PMEPA1: variants seen among roughly 807,000 people sequenced by gnomAD.
PMEPA1 encodes the protein protein TMEPAI.
A neutral mutation model predicts 23.0 loss-of-function variants in PMEPA1; 11 were observed. The ratio of observed to expected loss-of-function variants is 0.48; its 90% CI spans 0.30 to 0.79. The LOEUF (loss-of-function observed/expected upper bound fraction) is 0.79, where lower values mean the gene tolerates loss of function less well. PMEPA1 is among the 30% of genes least tolerant of loss of function. PMEPA1 has a pLI of 0.06. For missense variants in PMEPA1, 377 were observed against 390.9 expected (o/e 0.96, Z 0.30); for synonymous variants, 204 against 166.4 (o/e 1.23, Z -1.74).
chr20:57,656,285 G>A lies in PMEPA1; in HGVS notation c.265-3199C>T, dbSNP rs961046281. 7.9e-5 allele frequency among the ~76,000 whole-genome samples: 12 copies of A among 151,286 alleles called. No homozygotes were observed. Among genetic ancestry groups the A allele is most frequent in the South Asian group, 2.1e-4 (1 of 4,770 alleles). On this transcript the variant is annotated intron_variant, in intron 2 of 3. Coordinates refer to ENST00000341744, the MANE Select transcript of PMEPA1 (RefSeq NM_020182.5). The surrounding 1 kb of genome is among the most constrained non-coding windows in gnomAD (Gnocchi z 4.7). ...AGTGGACGCTAGGTCTTTGGCTCCC[G>A]CTGCTGGCAGATTGTCGCACATTGG...
In PMEPA1 at chr20:57,652,293, G is replaced by C. The variant is rs780329367; in HGVS notation, c.624C>G (p.Pro208=). Residue 208 remains proline (P), a synonymous_variant, in exon 4 of 4, where the codon CCC becomes CCG. Transcript: ENST00000341744. The surrounding 1 kb of genome is among the most constrained non-coding windows in gnomAD (Gnocchi z 6.1). The part of the protein sequence containing the change: ...DSARLGGPCP[P]SSNSGISATC... ...TGGCGCTGATGCCCGAGTTACTGCT[G>C]GGGGGGCAGGGGCCGCCCAGCCTGG... is the stretch of plus-strand genomic sequence containing the variant. 1.2e-5 allele frequency: 19 copies of C among 1,609,558 alleles called. No individual in the cohort carries two copies. Among genetic ancestry groups the C allele is most frequent in the Non-Finnish European group, 1.5e-5 (18 of 1,179,580 alleles).
intron 1 of PMEPA1, among the ~76,000 whole-genome samples, chr20:57,674,859 C>T (rs1005968273): frequency 1.3e-5 from 2 of 152,194 alleles, no homozygotes; most frequent in Non-Finnish European, 2.9e-5. Flanking sequence ...GTGATCTGTC[C>T]TCTCTGGAGC....
chr20:57,663,258 T>C (rs1458685149), intron 1 of PMEPA1, among the ~76,000 whole-genome samples: 1 of 151,846 alleles, frequency 6.6e-6, no homozygotes, highest in South Asian at 2.1e-4. Flanking sequence ...CTTAGGGAGA[T>C]GGAGATTTGC....
intron 1 of PMEPA1, among the ~76,000 whole-genome samples, chr20:57,708,082 C>T (rs1372269934): frequency 1.3e-5 from 2 of 152,078 alleles, no homozygotes; most frequent in Admixed American, 1.3e-4. Flanking sequence ...ACCACCAAAG[C>T]CCGGCCAGCC....
intron 1 of PMEPA1, among the ~76,000 whole-genome samples, chr20:57,667,871 C>T (rs571337319): frequency 5.3e-5 from 8 of 152,060 alleles, no homozygotes; most frequent in Non-Finnish European, 1.0e-4. Flanking sequence ...CCCAGCCCCC[C>T]GAATTTTAAG....
rs1280369158 is a variant in PMEPA1, at chr20:57,704,432, C to T, written c.109+5042G>A. Among the ~76,000 whole-genome samples, 2 of 152,198 alleles carry T rather than the reference C, an allele frequency of 1.3e-5. No individual in the cohort carries two copies. Among genetic ancestry groups the T allele is most frequent in the Non-Finnish European group, 2.9e-5 (2 of 68,014 alleles). On this transcript the variant is annotated intron_variant, in intron 1 of 3. Transcript: ENST00000341744. The surrounding 1 kb of genome is among the most constrained non-coding windows in gnomAD (Gnocchi z 4.6). ...AGCTCCCGCACGTGCCCCAACCATG[C>T]GTGCGTTACGCAACACTTTGTAAAA...
At position 57,690,016 on chromosome 20, in the gene PMEPA1, G is replaced by A. The variant is rs924293974; in HGVS notation, c.109+19458C>T. Among the ~76,000 whole-genome samples, 7 of 152,340 alleles carry A rather than the reference G, an allele frequency of 4.6e-5. No homozygotes were observed. In the South Asian group the frequency reaches 1.2e-3, roughly 27 times the overall value. On this transcript the variant is annotated intron_variant, in intron 1 of 3. Transcript: ENST00000341744. ...ATTTGCTGAGCTTCTCCCAACACCCGATGCACTCCTCACCTCAGCTCCACG... is the reference window on the plus strand; with the variant it reads ...ATTTGCTGAGCTTCTCCCAACACCCAATGCACTCCTCACCTCAGCTCCACG...
At chr20:57,668,385 C>T (rs1187652374) in intron 1 of PMEPA1, among the ~76,000 whole-genome samples, 4 of 152,198 alleles carry the variant, frequency 2.6e-5, no homozygotes, top group African/African-American at 9.7e-5. Context: ...GAGAAGAAAA[C>T]GGAGAGATAA....
At chr20:57,672,467 G>C (rs2071581599) in intron 1 of PMEPA1, among the ~76,000 whole-genome samples, 1 of 152,260 alleles carries the variant, frequency 6.6e-6, no homozygotes, top group South Asian at 2.1e-4. Flanking sequence ...AATGCGGCTG[G>C]TATTTAGCCG....
intron 1 of PMEPA1, among the ~76,000 whole-genome samples, chr20:57,664,750 A>G (rs1833048901): frequency 2.6e-5 from 4 of 152,168 alleles, no homozygotes; most frequent in South Asian, 2.1e-4. Flanking sequence ...AGGACCCTGG[A>G]GCCGGCTGTG....
intron 1 of PMEPA1, among the ~76,000 whole-genome samples, chr20:57,708,010 G>C (rs2072111706): frequency 6.6e-6 from 1 of 152,252 alleles, no homozygotes; most frequent in South Asian, 2.1e-4. Context: ...GGTGGGGTAG[G>C]GGGAGAGCTT....
In PMEPA1 at chr20:57,652,984, G is replaced by C. The variant is rs1051927025; in HGVS notation, c.318+49C>G. ...CACTGTTCCAGCCGCAGCGGGAGCA[G>C]CCCAGGGTGGGATGGGGGTGTTGGA... On this transcript the variant is annotated intron_variant, in intron 3 of 3. Transcript: ENST00000341744. The surrounding 1 kb of genome is among the most constrained non-coding windows in gnomAD (Gnocchi z 6.1). 1 of 1,495,370 alleles carries C rather than the reference G, an allele frequency of 6.7e-7. No individual in the cohort carries two copies. The highest frequency in any genetic ancestry group is 1.4e-5 in the African/African-American group (1 of 72,646). The allele number at this position is 1,495,370 out of a possible 1,614,324, so 92.6% of individuals were successfully genotyped here.
chr20:57,686,932 T>C (rs2063051025), intron 1 of PMEPA1, among the ~76,000 whole-genome samples: 2 of 152,278 alleles, frequency 1.3e-5, no homozygotes, highest in Admixed American at 1.3e-4. Flanking sequence ...CTTCTCCAGC[T>C]GCTCCTTACA....
At chr20:57,692,549 CCTGGCCTGCAG>C (rs2071896478) in intron 1 of PMEPA1, among the ~76,000 whole-genome samples, 1 of 152,258 alleles carries the variant, frequency 6.6e-6, no homozygotes, top group African/African-American at 2.4e-5. Context: ...CAGGTCTGTA[CCTGGCCTGCAG>C]CTGGCGGGTC....
Position 57,709,719 on chromosome 20 carries a change from GGTC to G in PMEPA1, c.-140_-138del. 2 of 978,656 alleles carry G rather than the reference GGTC, an allele frequency of 2.0e-6. No homozygotes were observed. Among genetic ancestry groups the G allele is most frequent in the South Asian group, 9.4e-5 (2 of 21,380 alleles). The allele number at this position is 978,656 out of a possible 1,614,324, so 60.6% of individuals were successfully genotyped here. ...GGCGCGCCCCGGCTCGCCGGGCTCG[GGTC>G]GCCGCCAAGTTCCCGGGGCGCCGCG... On this transcript the variant is annotated 5_prime_UTR_variant, in exon 1 of 4. Transcript: ENST00000341744.
In PMEPA1 at chr20:57,683,969, T is replaced by C. The variant is rs2071763702; in HGVS notation, c.110-24272A>G. 6.6e-6 allele frequency among the ~76,000 whole-genome samples: 1 copy of C among 152,166 alleles called. No homozygotes were observed. ...TCTGGCCAAGAAACCTGGAGTGTTA[T>C]GGGATGTCCTTCTCTATCTCCTGCA... On this transcript the variant is annotated intron_variant, in intron 1 of 3. Transcript: ENST00000341744. The surrounding 1 kb of genome is among the most constrained non-coding windows in gnomAD (Gnocchi z 4.3).
intron 2 of PMEPA1, among the ~76,000 whole-genome samples, chr20:57,654,547 A>T (rs1247434568): frequency 6.6e-6 from 1 of 152,068 alleles, no homozygotes; most frequent in Admixed American, 6.5e-5. Flanking sequence ...TGATTTAGCG[A>T]ATGGCTCTGA....
chr20:57,696,465 G>A (rs2071944244), intron 1 of PMEPA1, among the ~76,000 whole-genome samples: 1 of 152,156 alleles, frequency 6.6e-6, no homozygotes, highest in African/African-American at 2.4e-5. Context: ...CGGTGTGCTG[G>A]GCAATCCCTG....
At chr20:57,703,152 G>A (rs1403389426) in intron 1 of PMEPA1, among the ~76,000 whole-genome samples, 1 of 152,228 alleles carries the variant, frequency 6.6e-6, no homozygotes, top group Non-Finnish European at 1.5e-5. Context: ...TTCACAGAGG[G>A]GTGCAGCCCA....
Sources: allele counts gnomAD v4.1 joint callset (sites outside exome capture counted in the v4.1 genomes callset), GRCh38; gene constraint gnomAD v4.1.1; non-coding constraint Gnocchi (gnomAD v3.1); transcripts MANE v1.5; gene names NCBI Gene and HGNC (gene_info 2026-07-23, HGNC 2026-07-21).